IGSF11: variants seen among roughly 807,000 people sequenced by gnomAD.
The protein encoded by IGSF11 is immunoglobulin superfamily member 11.
IGSF11 carries 22 observed loss-of-function variants against 41.0 expected under a neutral mutation model. The ratio of observed to expected loss-of-function variants is 0.54; its 90% CI spans 0.38 to 0.77. IGSF11 has a LOEUF of 0.77. Ranked by LOEUF, IGSF11 falls within the 30% of genes least tolerant of loss-of-function variation. IGSF11 has a pLI of 0.00. For missense variants in IGSF11, 444 were observed against 530.8 expected, an observed-to-expected ratio of 0.84 and a Z score of 1.61; for synonymous variants, 219 against 201.3, an observed-to-expected ratio of 1.09 and a Z score of -0.74.
At chr3:118,917,258 A>G (rs1200817586) in intron 4 of IGSF11, among the ~76,000 whole-genome samples, 1 of 148,942 alleles carries the variant, frequency 6.7e-6, no homozygotes, top group South Asian at 2.2e-4. Context: ...AACTAAAATC[A>G]GAGCAGAACT....
At chr3:119,026,587 G>A (rs968535006) in intron 1 of IGSF11, among the ~76,000 whole-genome samples, 16 of 151,906 alleles carry the variant, frequency 1.1e-4, no homozygotes, top group Admixed American at 6.6e-4. Flanking sequence ...TGTAGTCTTC[G>A]CCATTATGTA....
chr3:118,955,243 CACACACACACAT>C (rs1185573468), intron 1 of IGSF11, among the ~76,000 whole-genome samples: 7 of 148,892 alleles, frequency 4.7e-5, no homozygotes, highest in South Asian at 2.1e-4. Context: ...CACACACACA[CACACACACACAT>C]ACACACACAC....
chr3:119,096,825 T>G (rs1005003614), intron 1 of IGSF11, among the ~76,000 whole-genome samples: 7 of 152,206 alleles, frequency 4.6e-5, no homozygotes, highest in African/African-American at 1.7e-4. Context: ...TTTAGAGCCT[T>G]AGGCAAAAAG....
chr3:118,967,564 T>C (rs778702155), intron 1 of IGSF11, among the ~76,000 whole-genome samples: 1 of 152,068 alleles, frequency 6.6e-6, no homozygotes, highest in Non-Finnish European at 1.5e-5. Flanking sequence ...AGCCTTCAAA[T>C]TCCTACTGAC....
chr3:119,030,154 C>G (rs555952816), intron 1 of IGSF11, among the ~76,000 whole-genome samples: 1 of 152,298 alleles, frequency 6.6e-6, no homozygotes, highest in South Asian at 2.1e-4. Flanking sequence ...TCAAGATCAA[C>G]AGAGTTAACT....
chr3:118,985,199 CTTGT>C (rs1303954735), intron 1 of IGSF11, among the ~76,000 whole-genome samples: 1 of 152,088 alleles, frequency 6.6e-6, no homozygotes, highest in Non-Finnish European at 1.5e-5. Flanking sequence ...AAAATTCAAT[CTTGT>C]TTAATTTCAA....
intron 1 of IGSF11, among the ~76,000 whole-genome samples, chr3:119,050,861 T>C (rs1046351415): frequency 3.3e-5 from 5 of 151,754 alleles, no homozygotes; most frequent in East Asian, 1.9e-4. Context: ...ATGGATGAAA[T>C]TGGAAATCAT....
At chr3:118,980,186 G>C (rs1364177075) in intron 1 of IGSF11, among the ~76,000 whole-genome samples, 1 of 152,148 alleles carries the variant, frequency 6.6e-6, no homozygotes, top group East Asian at 1.9e-4. Context: ...TTTATCCAAA[G>C]GAAAAGAAAT....
chr3:119,068,855 T>C (rs562185938), intron 1 of IGSF11, among the ~76,000 whole-genome samples: 1 of 151,042 alleles, frequency 6.6e-6, no homozygotes, highest in Admixed American at 6.6e-5. Flanking sequence ...CAGTCTTTCT[T>C]AAGTAAAGCA....
chr3:119,113,549 G>T (rs928682750), intron 1 of IGSF11, among the ~76,000 whole-genome samples: 11 of 152,308 alleles, frequency 7.2e-5, no homozygotes, highest in African/African-American at 1.2e-4. Context: ...TGCAACAGGT[G>T]GGCTCCCAAG....
intron 1 of IGSF11, among the ~76,000 whole-genome samples, chr3:119,104,594 T>C (rs764268583): frequency 6.6e-6 from 1 of 152,186 alleles, no homozygotes; most frequent in Non-Finnish European, 1.5e-5. Flanking sequence ...AGTGGTATTA[T>C]TGTCTCTATT....
At chr3:119,007,620 C>A (rs1431469619) in intron 1 of IGSF11, among the ~76,000 whole-genome samples, 1 of 152,112 alleles carries the variant, frequency 6.6e-6, no homozygotes, top group Admixed American at 6.5e-5. Flanking sequence ...CACTTTTTCA[C>A]CTATCCTTTC....
intron 1 of IGSF11, among the ~76,000 whole-genome samples, chr3:118,981,164 T>C (rs1472024285): frequency 2.0e-5 from 3 of 152,082 alleles, no homozygotes; most frequent in Non-Finnish European, 4.4e-5. Context: ...TTGGCATCCA[T>C]TTTATTTTAT....
chr3:119,138,165 A>C (rs1358940358), intron 1 of IGSF11, among the ~76,000 whole-genome samples: 46 of 151,992 alleles, frequency 3.0e-4, no homozygotes, highest in East Asian at 1.2e-3. Context: ...CAACAAAAAA[A>C]AAAAAAAAAA....
chr3:118,981,495 C>T (rs1482456882), intron 1 of IGSF11, among the ~76,000 whole-genome samples: 2 of 151,970 alleles, frequency 1.3e-5, no homozygotes, highest in African/African-American at 4.8e-5. Flanking sequence ...AGTTGAATTT[C>T]TTTCATATCA....
At chr3:118,927,454 T>C (rs1942429328) in intron 3 of IGSF11, among the ~76,000 whole-genome samples, 1 of 152,170 alleles carries the variant, frequency 6.6e-6, no homozygotes, top group Admixed American at 6.5e-5. Flanking sequence ...TTATAATCTA[T>C]ACAATTTTTA....
upstream of IGSF11, among the ~76,000 whole-genome samples, chr3:119,108,016 T>C (rs2077066743): frequency 6.6e-6 from 1 of 150,812 alleles, no homozygotes; most frequent in Admixed American, 6.6e-5. Flanking sequence ...TGAAGTCAGG[T>C]AGTGTGATGC....
At chr3:119,118,045 G>A (rs532038282) in intron 1 of IGSF11, among the ~76,000 whole-genome samples, 21 of 152,294 alleles carry the variant, frequency 1.4e-4, no homozygotes, top group Admixed American at 3.9e-4. Flanking sequence ...CTGCTTTCAC[G>A]GGCTGGCATT....
At chr3:118,998,094 A>G (rs1936450368) in intron 1 of IGSF11, among the ~76,000 whole-genome samples, 1 of 152,138 alleles carries the variant, frequency 6.6e-6, no homozygotes, top group South Asian at 2.1e-4. Flanking sequence ...AAATAATAAT[A>G]TATTTTCTTT....
Sources: gnomAD v4.1 joint callset for allele counts (sites outside exome capture counted in the v4.1 genomes callset) on GRCh38, gnomAD v4.1.1 for gene constraint, MANE v1.5 for transcripts, NCBI Gene and HGNC (gene_info 2026-07-23, HGNC 2026-07-21) for gene names.